Variants in SHC3 observed in about 807,000 individuals in gnomAD.
SHC3 encodes the protein SHC-transforming protein 3.
Under a neutral mutation model 60.4 loss-of-function variants are expected in SHC3, and 15 were observed. The observed-to-expected ratio is 0.25, with a 90% CI of 0.17 to 0.38. The LOEUF (loss-of-function observed/expected upper bound fraction) is 0.38, where lower values mean the gene tolerates loss of function less well. Among genes scored for constraint, SHC3 ranks in the 10% least tolerant of loss-of-function variants. SHC3 has a pLI of 1.00. For synonymous variants in SHC3, 294 were observed against 325.9 expected, an observed-to-expected ratio of 0.90 and a Z score of 1.05; for missense variants, 677 against 786.1, an observed-to-expected ratio of 0.86 and a Z score of 1.66.
At chr9:89,105,162 C>T (rs889020010) in intron 2 of SHC3, among the ~76,000 whole-genome samples, 3 of 152,188 alleles carry the variant, frequency 2.0e-5, no homozygotes, top group Admixed American at 6.5e-5. Context: ...TCTTGATGGT[C>T]TTGTAATGAT....
intron 7 of SHC3, among the ~76,000 whole-genome samples, chr9:89,048,829 T>C (rs1824815043): frequency 6.6e-6 from 1 of 151,978 alleles, no homozygotes. Flanking sequence ...CAGGGCAAGC[T>C]CAGGAGATCC....
At position 89,062,388 on chromosome 9, in the gene SHC3, T is replaced by C. The variant is rs543886985; in HGVS notation, c.835+3141A>G. On this transcript the variant is annotated intron_variant, in intron 6 of 11. Transcript: ENST00000375835. ...TTCCACCCTTATCTCTTTGAGATGGTGGTGGTGGTGGTTACCATCCAACTT... is the reference window on the plus strand; with the variant it reads ...TTCCACCCTTATCTCTTTGAGATGGCGGTGGTGGTGGTTACCATCCAACTT... Among the ~76,000 whole-genome samples, 5 of 152,274 alleles carry C rather than the reference T, an allele frequency of 3.3e-5. No individual in the cohort carries two copies. The South Asian group carries it at 1.0e-3, about 32-fold the overall frequency.
intron 1 of SHC3, among the ~76,000 whole-genome samples, chr9:89,133,919 T>C: frequency 6.6e-6 from 1 of 151,862 alleles, no homozygotes; most frequent in East Asian, 1.9e-4. Context: ...ATAAAAAAAT[T>C]GTTCAGAATA....
intron 2 of SHC3, chr9:89,109,688 C>T: frequency 1.0e-6 from 1 of 985,464 alleles, no homozygotes; most frequent in South Asian, 4.7e-5. Context: ...AGGAGACCAC[C>T]CCCATGCACT....
chr9:89,015,657 A>T (rs145288226), intron 11 of SHC3, among the ~76,000 whole-genome samples: 113 of 152,340 alleles, frequency 7.4e-4, no homozygotes, highest in African/African-American at 2.4e-3. Context: ...TAGCCAGCAG[A>T]ACTCTCTGTG....
rs377719414 is a variant in SHC3, at chr9:89,046,912, T to A, written c.1045A>T (p.Met349Leu). 7 of 1,611,018 alleles carry A rather than the reference T, an allele frequency of 4.3e-6. No individual in the cohort carries two copies. Among genetic ancestry groups the A allele is most frequent in the South Asian group, 1.1e-5 (1 of 90,024 alleles). The stretch of plus-strand genomic sequence containing the variant: ...TCAAGAAAGCCCCCTGGAGGAGGCA[T>A]CTTGCTTGGGATGCTGTTGTAGTAT... Reference protein sequence around the residue: ...HPYYNSIPSKMPPPGGFLDTR... With the variant: ...HPYYNSIPSKLPPPGGFLDTR... Residue 349 changes from methionine to leucine, a missense_variant, in exon 8 of 12, where the codon ATG (methionine) becomes TTG (leucine). Physicochemically the swap from Met to Leu is conservative, Grantham distance 15. Coordinates refer to ENST00000375835, the MANE Select transcript of SHC3 (RefSeq NM_016848.6).
intron 2 of SHC3, among the ~76,000 whole-genome samples, chr9:89,096,267 C>G (rs1218282621): frequency 6.6e-6 from 1 of 152,178 alleles, no homozygotes; most frequent in African/African-American, 2.4e-5. Context: ...GAAATCCTTA[C>G]TTGCTTTGGT....
intron 10 of SHC3, among the ~76,000 whole-genome samples, chr9:89,039,683 A>C (rs926867637): frequency 3.9e-5 from 6 of 151,970 alleles, no homozygotes; most frequent in Admixed American, 6.6e-5. Flanking sequence ...CATCATAACC[A>C]TCATCATCAC....
chr9:89,141,988 T>A (rs188590436), intron 1 of SHC3, among the ~76,000 whole-genome samples: 29 of 152,262 alleles, frequency 1.9e-4, no homozygotes, highest in Middle Eastern at 3.4e-3. Context: ...AGCAGTTCCA[T>A]CAGCTCTCAT....
At chr9:89,031,078 G>T (rs1421634148) in intron 11 of SHC3, among the ~76,000 whole-genome samples, 1 of 152,010 alleles carries the variant, frequency 6.6e-6, no homozygotes, top group Non-Finnish European at 1.5e-5. Flanking sequence ...TAGAGATGGG[G>T]TCTCACTATA....
chr9:89,140,754 C>T (rs181915243), intron 1 of SHC3, among the ~76,000 whole-genome samples: 1 of 152,276 alleles, frequency 6.6e-6, no homozygotes. Flanking sequence ...GTCCGTGGCA[C>T]TTCCTCTGTT....
At chr9:89,150,419 G>A (rs1168819366) in intron 1 of SHC3, among the ~76,000 whole-genome samples, 1 of 152,002 alleles carries the variant, frequency 6.6e-6, no homozygotes, top group Non-Finnish European at 1.5e-5. Flanking sequence ...GTCTCTATAG[G>A]TTTGCCAAAT....
At chr9:89,099,483 A>T (rs1825752607) in intron 2 of SHC3, among the ~76,000 whole-genome samples, 1 of 152,208 alleles carries the variant, frequency 6.6e-6, no homozygotes, top group Non-Finnish European at 1.5e-5. Flanking sequence ...TCAAAAGAAT[A>T]TTCCATGATT....
intron 2 of SHC3, among the ~76,000 whole-genome samples, chr9:89,090,663 G>A (rs1018508527): frequency 2.6e-5 from 4 of 152,178 alleles, no homozygotes; most frequent in East Asian, 3.8e-4. Flanking sequence ...GAGCCCATGC[G>A]GATTGGGGGT....
At position 89,159,715 on chromosome 9, in the gene SHC3, G is replaced by A. The variant is rs577236306; in HGVS notation, c.474+18272C>T. ...GAAGAACTTGGAGTCGGATATTCGT[G>A]GGCAGGAAGCATCCAGCACAGGAGA... On this transcript the variant is annotated intron_variant, in intron 1 of 11. Transcript: ENST00000375835. 7.2e-5 allele frequency among the ~76,000 whole-genome samples: 11 copies of A among 152,310 alleles called. No individual in the cohort carries two copies. The South Asian group carries it at 2.3e-3, about 32-fold the overall frequency.
intron 2 of SHC3, among the ~76,000 whole-genome samples, chr9:89,083,920 A>G (rs867875596): frequency 9.9e-5 from 15 of 152,226 alleles, no homozygotes; most frequent in Non-Finnish European, 1.8e-4. Flanking sequence ...GTTCAAGGGC[A>G]GAGGGACACA....
chr9:89,065,420 G>T, intron 6 of SHC3, 109 bp downstream of exon 6: 1 of 1,125,072 alleles, frequency 8.9e-7, no homozygotes, highest in Non-Finnish European at 1.3e-6. Context: ...ATACAAGATG[G>T]CACTACTCAT....
rs1035535946 is a variant in SHC3, at chr9:89,012,414, T to G, written c.*1033A>C. 3.5e-4 allele frequency: 54 copies of G among 152,146 alleles called. No homozygotes were observed. Among genetic ancestry groups the G allele is most frequent in the African/African-American group, 1.3e-3 (54 of 41,430 alleles). 9.4% of individuals were successfully genotyped at this position (152,146 alleles called of 1,614,324 possible). On this transcript the variant is annotated 3_prime_UTR_variant, in exon 12 of 12. Coordinates refer to ENST00000375835, the MANE Select transcript of SHC3 (RefSeq NM_016848.6). Reference sequence around the variant, plus strand: ...AAATGGATTCCAGTGACTCCTGGGTTTCTGGCACATGCAGCCCCAGAAGCC... The same window carrying G: ...AAATGGATTCCAGTGACTCCTGGGTGTCTGGCACATGCAGCCCCAGAAGCC...
chr9:89,030,158 A>G (rs929454065), intron 11 of SHC3, among the ~76,000 whole-genome samples: 2 of 152,174 alleles, frequency 1.3e-5, no homozygotes, highest in Admixed American at 6.5e-5. Flanking sequence ...CATTAATAAA[A>G]GGTATATCCA....
Sources: gnomAD v4.1 joint callset for allele counts (sites outside exome capture counted in the v4.1 genomes callset) on GRCh38, gnomAD v4.1.1 for gene constraint, MANE v1.5 for transcripts, NCBI Gene and HGNC (gene_info 2026-07-23, HGNC 2026-07-21) for gene names.